Variants in PDE4D observed in about 807,000 individuals in gnomAD.
PDE4D encodes phosphodiesterase 4D, also known as 3',5'-cyclic-AMP phosphodiesterase 4D.
A neutral mutation model predicts 87.4 loss-of-function variants in PDE4D; 24 were observed. That is an observed-to-expected ratio of 0.27 (90% CI 0.20 to 0.39). PDE4D has a LOEUF of 0.39. PDE4D is among the 10% of genes least tolerant of loss of function. The probability of loss-of-function intolerance (pLI) is 1.00; values close to 1 mark genes in which losing one functional copy is unlikely to be tolerated. For missense variants in PDE4D, 714 were observed against 1,041.0 expected, an observed-to-expected ratio of 0.69 and a Z score of 4.32; for synonymous variants, 384 against 383.2, an observed-to-expected ratio of 1.00 and a Z score of -0.02.
chr5:60,252,399 C>CT (rs749772318), intron 1 of PDE4D, among the ~76,000 whole-genome samples: 19,241 of 137,308 alleles, frequency 0.14, 1,575 homozygotes, highest in African/African-American at 0.22. Context: ...CACTTTTTTA[C>CT]TTTTTTTTTT....
chr5:60,118,486 T>C (rs1188324618), intron 2 of PDE4D, among the ~76,000 whole-genome samples: 2 of 152,032 alleles, frequency 1.3e-5, no homozygotes. Flanking sequence ...CTCCAGGCAC[T>C]ATATATGGCA....
chr5:59,613,251 C>G (rs147682450), intron 1 of PDE4D, among the ~76,000 whole-genome samples: 1 of 152,110 alleles, frequency 6.6e-6, no homozygotes, highest in Non-Finnish European at 1.5e-5. Flanking sequence ...GAGTCAAAGA[C>G]AACAACAAAG....
intron 1 of PDE4D, among the ~76,000 whole-genome samples, chr5:60,346,563 C>T (rs1758761895): frequency 6.6e-6 from 1 of 152,090 alleles, no homozygotes; most frequent in Admixed American, 6.6e-5. Flanking sequence ...CATGGTTGTG[C>T]CCAATCTACT....
intron 5 of PDE4D, among the ~76,000 whole-genome samples, chr5:59,159,325 G>A (rs1780695673): frequency 6.6e-6 from 1 of 151,806 alleles, no homozygotes; most frequent in Non-Finnish European, 1.5e-5. Flanking sequence ...TAGAGAAAAG[G>A]TTTCATCATG....
At chr5:59,050,088 C>A (rs1236247738) in intron 5 of PDE4D, among the ~76,000 whole-genome samples, 2 of 152,120 alleles carry the variant, frequency 1.3e-5, no homozygotes, top group African/African-American at 4.8e-5. Context: ...ACATGATGAA[C>A]CCCATCTCTA....
intron 1 of PDE4D, chr5:59,586,940 T>C: frequency 3.0e-6 from 3 of 985,442 alleles, no homozygotes; most frequent in Non-Finnish European, 3.6e-6. Context: ...CTGAGACGTG[T>C]CGGACAAAGG....
At chr5:59,488,041 C>G (rs1371220497) in intron 1 of PDE4D, among the ~76,000 whole-genome samples, 1 of 151,982 alleles carries the variant, frequency 6.6e-6, no homozygotes, top group African/African-American at 2.4e-5. Flanking sequence ...CTGCAGGGAG[C>G]ATTCCAGAGC....
At chr5:59,524,590 G>T (rs887869153) in intron 1 of PDE4D, among the ~76,000 whole-genome samples, 5 of 152,252 alleles carry the variant, frequency 3.3e-5, no homozygotes, top group African/African-American at 1.2e-4. Context: ...GCCAGCTGCA[G>T]AAATTTGCAT....
chr5:60,473,111 GAGAGAGAGAAAGA>G (rs1747943962), intron 1 of PDE4D, among the ~76,000 whole-genome samples: 1 of 103,866 alleles, frequency 9.6e-6, no homozygotes, highest in Admixed American at 1.0e-4. Context: ...GAAAGAAAGA[GAGAGAGAGAAAGA>G]AAGGAAGGAA....
At chr5:59,814,442 G>A (rs1768745735) in intron 1 of PDE4D, among the ~76,000 whole-genome samples, 1 of 152,172 alleles carries the variant, frequency 6.6e-6, no homozygotes, top group African/African-American at 2.4e-5. Flanking sequence ...TATGTGTCCA[G>A]CCAGCCAGGA....
At chr5:59,071,073 A>C (rs916771083) in intron 5 of PDE4D, among the ~76,000 whole-genome samples, 2 of 152,172 alleles carry the variant, frequency 1.3e-5, no homozygotes, top group African/African-American at 4.8e-5. Flanking sequence ...ACTCTTGATC[A>C]ATAGTTTGGT....
intron 1 of PDE4D, among the ~76,000 whole-genome samples, chr5:60,315,064 G>C (rs966308530): frequency 6.6e-6 from 1 of 152,312 alleles, no homozygotes; most frequent in East Asian, 1.9e-4. Flanking sequence ...TCACCACACT[G>C]TCTTCCACAA....
At chr5:59,441,768 G>C (rs1325831585) in intron 1 of PDE4D, among the ~76,000 whole-genome samples, 1 of 152,178 alleles carries the variant, frequency 6.6e-6, no homozygotes, top group Non-Finnish European at 1.5e-5. Context: ...CTGTGCACTT[G>C]AAATTGCAGT....
chr5:60,309,873 A>T (rs2149811144), intron 1 of PDE4D, among the ~76,000 whole-genome samples: 1 of 152,354 alleles, frequency 6.6e-6, no homozygotes, highest in South Asian at 2.1e-4. Context: ...CCTAGATACT[A>T]TGTAAGACAT....
At chr5:59,646,965 G>A (rs1459010977) in intron 1 of PDE4D, among the ~76,000 whole-genome samples, 2 of 152,080 alleles carry the variant, frequency 1.3e-5, no homozygotes, top group Non-Finnish European at 2.9e-5. Context: ...AACCCGGGAG[G>A]TGGAGGTTGC....
chr5:59,043,731 G>A (rs1237818816), intron 5 of PDE4D, among the ~76,000 whole-genome samples: 1 of 151,564 alleles, frequency 6.6e-6, no homozygotes, highest in Non-Finnish European at 1.5e-5. Context: ...GCAGGCCCCG[G>A]TGTGTGATGT....
intron 1 of PDE4D, among the ~76,000 whole-genome samples, chr5:59,494,148 G>T (rs929817763): frequency 7.9e-5 from 12 of 152,136 alleles, no homozygotes; most frequent in African/African-American, 2.7e-4. Context: ...GTAATGCTTT[G>T]GGTGTTGCTA....
intron 1 of PDE4D, among the ~76,000 whole-genome samples, chr5:59,352,393 T>A (rs761023374): frequency 6.6e-6 from 1 of 152,186 alleles, no homozygotes; most frequent in Non-Finnish European, 1.5e-5. Context: ...AAAAGTGCTA[T>A]GCAACAGGAG....
At chr5:60,170,041 C>T (rs528336337) in intron 2 of PDE4D, among the ~76,000 whole-genome samples, 2 of 152,000 alleles carry the variant, frequency 1.3e-5, no homozygotes, top group South Asian at 2.1e-4. Context: ...ATTTTTACCT[C>T]ATAAATTATA....
Sources: gnomAD v4.1 joint callset for allele counts (sites outside exome capture counted in the v4.1 genomes callset) on GRCh38, gnomAD v4.1.1 for gene constraint, MANE v1.5 for transcripts, NCBI Gene and HGNC (gene_info 2026-07-23, HGNC 2026-07-21) for gene names.